HMMR: variants seen among roughly 807,000 people sequenced by gnomAD.
HMMR encodes the protein hyaluronan mediated motility receptor, also known as intracellular hyaluronic acid-binding protein.
A neutral mutation model predicts 101.0 loss-of-function variants in HMMR; 108 were observed. The ratio of observed to expected loss-of-function variants is 1.07; its 90% CI spans 0.92 to 1.25. HMMR has a LOEUF of 1.25. Among genes scored for constraint, HMMR ranks in the 50% most tolerant of loss-of-function variants. HMMR has a pLI of 0.00. For synonymous variants in HMMR, 296 were observed against 276.4 expected (o/e 1.07, Z -0.70); for missense variants, 813 against 788.7 (o/e 1.03, Z -0.37).
chr5:163,460,697 C>T lies in HMMR; in HGVS notation c.5C>T (p.Ser2Phe), dbSNP rs1758491179. Residue 2 changes from serine to phenylalanine, a missense_variant, in exon 1 of 18, where the codon TCC becomes TTC. Physicochemically the swap from Ser to Phe is radical, Grantham distance 155 (BLOSUM62 -2). Coordinates refer to ENST00000393915, the MANE Select transcript of HMMR (RefSeq NM_001142556.2). M[S>F]FPKAPLKRFN... ...TTTCTGGAGCTGGCCGTCAACATGT[C>T]CTTTCCTAAGGCGCCCTTGAAACGA... 6.2e-7 allele frequency: 1 copy of T among 1,606,392 alleles called. No individual in the cohort carries two copies. The highest frequency in any genetic ancestry group is 8.5e-7 in the Non-Finnish European group (1 of 1,176,406).
At chr5:163,480,497 G>A (rs1053284872) in intron 12 of HMMR, among the ~76,000 whole-genome samples, 16 of 152,040 alleles carry the variant, frequency 1.1e-4, no homozygotes, top group African/African-American at 3.9e-4. Context: ...TTCCCATTTG[G>A]TTAGTTATTA....
chr5:163,491,381 T>G lies in HMMR; in HGVS notation c.*217T>G, dbSNP rs1759690977. 1 of 411,862 alleles carries G rather than the reference T, an allele frequency of 2.4e-6. No individual in the cohort carries two copies. The highest frequency in any genetic ancestry group is 4.3e-6 in the Non-Finnish European group (1 of 233,338). The allele number at this position is 411,862 out of a possible 1,614,324, so 25.5% of individuals were successfully genotyped here. The stretch of plus-strand genomic sequence containing the variant: ...AATGCTCACCTTTATCACCTCATTC[T>G]GAACCCTTTCGCTGGCTTTCCAGCT... On this transcript the variant is annotated 3_prime_UTR_variant, in exon 18 of 18. Coordinates refer to ENST00000393915, the MANE Select transcript of HMMR (RefSeq NM_001142556.2).
intron 15 of HMMR, 108 bp downstream of exon 15, chr5:163,483,475 G>A: frequency 1.6e-6 from 1 of 612,572 alleles, no homozygotes; most frequent in South Asian, 2.5e-5. Flanking sequence ...ATTTTGCTCT[G>A]CACTTACAGT....
At chr5:163,478,600 C>A in intron 11 of HMMR, 84 bp from the exon 12 acceptor site, 1 of 802,744 alleles carries the variant, frequency 1.2e-6, no homozygotes, top group Non-Finnish European at 2.2e-6. Flanking sequence ...ATATGATTCA[C>A]AGTTTCAAAG....
intron 3 of HMMR, among the ~76,000 whole-genome samples, chr5:163,465,369 T>C (rs1396954316): frequency 2.6e-5 from 4 of 152,180 alleles, no homozygotes; most frequent in Admixed American, 1.3e-4. Flanking sequence ...AGTATCACTC[T>C]GTCACCCAGG....
chr5:163,482,961 GA>G, intron 13 of HMMR, 58 bp from the exon 14 acceptor site: 1 of 1,472,612 alleles, frequency 6.8e-7, no homozygotes, highest in Non-Finnish European at 9.2e-7. Flanking sequence ...AAAAAAAAAG[GA>G]AAAATTAATG....
At position 163,482,638 on chromosome 5, in the gene HMMR, T is replaced by C. The variant is rs375337734; in HGVS notation, c.1386-4T>C. On this transcript the variant is annotated splice_region_variant and splice_polypyrimidine_tract_variant and intron_variant, in intron 12 of 17. Coordinates refer to ENST00000393915, the MANE Select transcript of HMMR (RefSeq NM_001142556.2). ...TACTTTGACTTTTTTTTCTTTTTAATAAGCTATAAAGCGTTAACAGCCAGT... is the reference window on the plus strand; with the variant it reads ...TACTTTGACTTTTTTTTCTTTTTAACAAGCTATAAAGCGTTAACAGCCAGT... 19 of 1,590,320 alleles carry C rather than the reference T, an allele frequency of 1.2e-5. 1 individual carries two copies. The highest frequency in any genetic ancestry group is 1.1e-4 in the African/African-American group (8 of 73,452).
At chr5:163,467,449 G>A (rs1758738830) in intron 3 of HMMR, among the ~76,000 whole-genome samples, 1 of 152,176 alleles carries the variant, frequency 6.6e-6, no homozygotes, top group Admixed American at 6.6e-5. Flanking sequence ...AGTTCCACCT[G>A]TTCTTTTCAC....
chr5:163,470,500 G>A (rs1052954938), intron 5 of HMMR, among the ~76,000 whole-genome samples: 6 of 151,982 alleles, frequency 3.9e-5, no homozygotes, highest in African/African-American at 9.7e-5. Context: ...GCGTACACCC[G>A]TAATTCCAGC....
At chr5:163,464,682 A>G in intron 2 of HMMR, 41 bp from the exon 3 acceptor site, 1 of 1,311,008 alleles carries the variant, frequency 7.6e-7, no homozygotes, top group East Asian at 2.3e-5. Flanking sequence ...GTTAAAACAC[A>G]TTGACATCAA....
rs1758959511 is a variant in HMMR, at chr5:163,473,372, A to G, written c.726-7A>G. 2.5e-6 allele frequency: 4 copies of G among 1,602,522 alleles called. No homozygotes were observed. The East Asian group carries it at 9.0e-5, about 36-fold the overall frequency. Reference sequence around the variant, plus strand: ...TGTGCTTTTTAAGATAATTTGTTTTAATGCAGTTGTGCTTCAGATCAAGTG... The same window carrying G: ...TGTGCTTTTTAAGATAATTTGTTTTGATGCAGTTGTGCTTCAGATCAAGTG... On this transcript the variant is annotated splice_region_variant and splice_polypyrimidine_tract_variant and intron_variant, in intron 8 of 17. Coordinates refer to ENST00000393915, the MANE Select transcript of HMMR (RefSeq NM_001142556.2).
At chr5:163,484,535 G>A (rs899275831) in intron 16 of HMMR, among the ~76,000 whole-genome samples, 20 of 152,252 alleles carry the variant, frequency 1.3e-4, no homozygotes, top group African/African-American at 4.6e-4. Flanking sequence ...ACTCCTTGAT[G>A]TAAAACCATA....
rs749813056 is a variant in HMMR, at chr5:163,474,202, G to A, written c.1050G>A (p.Glu350=). ...AAATTGATTCACTTCTGCAACAAGA[G>A]AAAGTAATTTACCACCATATTTTTT... is the stretch of plus-strand genomic sequence containing the variant. ...ELQIDSLLQQ[E]KELSSSLHQK... Residue 350 remains glutamate (E), a synonymous_variant, in exon 10 of 18, where the codon GAG becomes GAA. Transcript: ENST00000393915. 6.2e-6 allele frequency: 10 copies of A among 1,600,354 alleles called. No homozygotes were observed. Among genetic ancestry groups the A allele is most frequent in the Non-Finnish European group, 8.5e-6 (10 of 1,174,268 alleles).
chr5:163,478,548 C>G, intron 11 of HMMR, 136 bp from the exon 12 acceptor site: 1 of 598,742 alleles, frequency 1.7e-6, no homozygotes, highest in South Asian at 2.1e-5. Context: ...AAATTAGGAT[C>G]TGAGCTATTT....
rs1758613358 is a variant in HMMR at position 163,463,744 on chromosome 5, AAGC to A, written c.47-109_47-107del. 1.1e-5 allele frequency: 5 copies of A among 455,688 alleles called. No homozygotes were observed. The South Asian group carries it at 3.6e-4, about 32-fold the overall frequency. The allele number at this position is 455,688 out of a possible 1,614,324, so 28.2% of individuals were successfully genotyped here. ...GGATGCAATTTTTTACATTTAAAAA[AAGC>A]AGTTTGTTAATGACATTTTTACATT... On this transcript the variant is annotated intron_variant, in intron 1 of 17. Transcript: ENST00000393915.
intron 16 of HMMR, among the ~76,000 whole-genome samples, chr5:163,486,945 G>A (rs299313): frequency 0.098 from 14,949 of 152,136 alleles, 885 homozygotes; most frequent in Middle Eastern, 0.13. Flanking sequence ...TAGGTGTGGC[G>A]GCGGGCGCCT....
intron 11 of HMMR, 150 bp from the exon 12 acceptor site, chr5:163,478,534 T>A (rs1759143236): frequency 1.7e-6 from 1 of 575,960 alleles, no homozygotes; most frequent in Non-Finnish European, 3.2e-6. Flanking sequence ...TCGAGGTAAG[T>A]CATAAATTAG....
chr5:163,469,490 T>C, intron 4 of HMMR, 151 bp from the exon 5 acceptor site: 1 of 629,994 alleles, frequency 1.6e-6, no homozygotes, highest in Non-Finnish European at 2.8e-6. Context: ...GTAAATATGA[T>C]TATTCAAATA....
intron 10 of HMMR, chr5:163,474,709 T>C: frequency 2.5e-6 from 1 of 394,832 alleles, no homozygotes; most frequent in South Asian, 1.8e-5. Context: ...GAAATAATAT[T>C]TTTTTCACTT....
Sources: allele counts gnomAD v4.1 joint callset (sites outside exome capture counted in the v4.1 genomes callset), GRCh38; gene constraint gnomAD v4.1.1; transcripts MANE v1.5; gene names NCBI Gene and HGNC (gene_info 2026-07-23, HGNC 2026-07-21).